UBN2: variants seen among roughly 807,000 people sequenced by gnomAD.
The protein encoded by UBN2 is ubinuclein 2.
Under a neutral mutation model 120.2 loss-of-function variants are expected in UBN2, and 35 were observed. The observed-to-expected ratio is 0.29, with a 90% CI of 0.22 to 0.39. The LOEUF (loss-of-function observed/expected upper bound fraction) is 0.39, where lower values mean the gene tolerates loss of function less well. Among genes scored for constraint, UBN2 ranks in the 10% least tolerant of loss-of-function variants. The pLI is 1.00. For synonymous variants in UBN2, 661 were observed against 648.7 expected (o/e 1.02, Z -0.29); for missense variants, 1,693 against 1,663.2 (o/e 1.02, Z -0.31).
intron 6 of UBN2, among the ~76,000 whole-genome samples, chr7:139,262,312 C>T (rs1156650989): frequency 6.6e-6 from 1 of 151,914 alleles, no homozygotes; most frequent in East Asian, 1.9e-4. Flanking sequence ...GTTGGCCAGG[C>T]TGGTCTTGAA....
At chr7:139,279,626 G>T (rs1339243795) in intron 13 of UBN2, among the ~76,000 whole-genome samples, 1 of 152,152 alleles carries the variant, frequency 6.6e-6, no homozygotes, top group African/African-American at 2.4e-5. Flanking sequence ...TTCTTTCATA[G>T]CATAGGTGAG....
intron 2 of UBN2, among the ~76,000 whole-genome samples, chr7:139,248,787 C>T (rs1796541092): frequency 6.6e-6 from 1 of 152,050 alleles, no homozygotes; most frequent in Non-Finnish European, 1.5e-5. Flanking sequence ...ATGTCCTTAA[C>T]TGCTTGTGTG....
chr7:139,291,680 C>G (rs1797962304), intron 15 of UBN2, among the ~76,000 whole-genome samples: 1 of 151,764 alleles, frequency 6.6e-6, no homozygotes, highest in African/African-American at 2.4e-5. Context: ...GACCCCATCT[C>G]TACAAAAACA....
Position 139,254,225 on chromosome 7 carries a change from G to A in UBN2, c.663+2168G>A, listed in dbSNP as rs192220881. 7.4e-3 allele frequency among the ~76,000 whole-genome samples: 1,120 copies of A among 152,116 alleles called. 17 individuals carry two copies. The highest frequency in any genetic ancestry group is 0.026 in the African/African-American group (1,074 of 41,498). ...GGAGAATGGCTTGAACCCGGGAGGC[G>A]GAGCTTGCAGTGAGCCGAGATCGCG... On this transcript the variant is annotated intron_variant, in intron 3 of 17. Transcript: ENST00000473989.
At chr7:139,240,454 A>ATATTTT (rs371717591) in intron 2 of UBN2, among the ~76,000 whole-genome samples, 10 of 123,106 alleles carry the variant, frequency 8.1e-5, no homozygotes, top group South Asian at 2.7e-4. Flanking sequence ...ATATATATAT[A>ATATTTT]TTTTTTTTTT....
At chr7:139,289,918 G>C (rs926931555) in intron 15 of UBN2, among the ~76,000 whole-genome samples, 31 of 151,280 alleles carry the variant, frequency 2.0e-4, no homozygotes, top group African/African-American at 7.3e-4. Flanking sequence ...TTCCGAGACA[G>C]AGTCTTGCTC....
Position 139,307,533 on chromosome 7 carries a change from A to G in UBN2, c.*9697A>G, listed in dbSNP as rs1798380093. ...AAAAGGGGGTGGTGATGACATGTGA[A>G]TGGGTGCGGGTATGTGTGCGTGTGT... On this transcript the variant is annotated 3_prime_UTR_variant, in exon 18 of 18. Coordinates refer to ENST00000473989, the MANE Select transcript of UBN2 (RefSeq NM_173569.4). 6.6e-6 allele frequency: 1 copy of G among 151,930 alleles called. No individual in the cohort carries two copies. The highest frequency in any genetic ancestry group is 1.9e-4 in the East Asian group (1 of 5,196). 9.4% of individuals were successfully genotyped at this position (151,930 alleles called of 1,614,324 possible).
the UBN2 span, among the ~76,000 whole-genome samples, chr7:139,324,350 A>ACT: frequency 6.8e-6 from 1 of 148,140 alleles, no homozygotes; most frequent in Non-Finnish European, 1.5e-5. Context: ...CGGGAGGATC[A>ACT]TGAGTTCAGG....
chr7:139,259,196 G>A, intron 4 of UBN2, 71 bp from the exon 5 acceptor site: 2 of 1,569,512 alleles, frequency 1.3e-6, no homozygotes, highest in Non-Finnish European at 1.7e-6. Flanking sequence ...CACTGCTGAT[G>A]CTGGATTGCT....
rs985406378 is a variant in UBN2, at chr7:139,269,431, C to T, written c.1504C>T (p.Arg502Cys). 9 of 1,613,970 alleles carry T rather than the reference C, an allele frequency of 5.6e-6. No individual in the cohort carries two copies. Among genetic ancestry groups the T allele is most frequent in the Middle Eastern group, 1.6e-4 (1 of 6,084 alleles). The change falls in exon 8 of 18, where the codon CGC (arginine) becomes TGC (cysteine). Residue 502 changes from arginine (R) to cysteine (C), a missense_variant. Coordinates refer to ENST00000473989, the MANE Select transcript of UBN2 (RefSeq NM_173569.4). ...LQLQELGPVI[R>C]SGVYSHLEAF... The stretch of plus-strand genomic sequence containing the variant: ...GCTACAAGAACTAGGCCCTGTCATT[C>T]GCAGTGGTGTCTACTCCCACCTTGA...
intron 1 of UBN2, among the ~76,000 whole-genome samples, chr7:139,234,587 A>G (rs1291152650): frequency 6.6e-6 from 1 of 152,210 alleles, no homozygotes; most frequent in African/African-American, 2.4e-5. Context: ...CATTGGAATC[A>G]TCTCTATCCT....
intron 8 of UBN2, among the ~76,000 whole-genome samples, 190 bp downstream of exon 8, chr7:139,269,713 G>C (rs1563215802): frequency 1.3e-5 from 2 of 152,164 alleles, no homozygotes; most frequent in Non-Finnish European, 2.9e-5. Flanking sequence ...GTTAAGTTTA[G>C]ATGAGAAATG....
intron 1 of UBN2, among the ~76,000 whole-genome samples, chr7:139,234,230 A>G (rs974605314): frequency 6.6e-6 from 1 of 152,172 alleles, no homozygotes; most frequent in African/African-American, 2.4e-5. Flanking sequence ...TTTTTGAAAT[A>G]GCCATCTATC....
intron 13 of UBN2, among the ~76,000 whole-genome samples, chr7:139,280,319 A>T (rs578016477): frequency 1.6e-4 from 25 of 152,346 alleles, no homozygotes; most frequent in African/African-American, 6.0e-4. Context: ...AATTTTTAAT[A>T]TTTAGAGAAA....
chr7:139,316,155 T>A, the UBN2 span, among the ~76,000 whole-genome samples: 1 of 151,610 alleles, frequency 6.6e-6, no homozygotes, highest in Non-Finnish European at 1.5e-5. Flanking sequence ...CATTTTTCAT[T>A]TTTTAAATTA....
intron 17 of UBN2, among the ~76,000 whole-genome samples, chr7:139,297,117 C>T (rs1798130496): frequency 6.6e-6 from 1 of 151,122 alleles, no homozygotes; most frequent in Admixed American, 6.6e-5. Context: ...TTGCTTGAAC[C>T]TGGGAGGCAG....
In UBN2 at chr7:139,231,317, A is replaced by G. The variant is rs1487714704; in HGVS notation, c.-168A>G. 6.6e-6 allele frequency among the ~76,000 whole-genome samples: 1 copy of G among 152,214 alleles called. No homozygotes were observed. The highest frequency in any genetic ancestry group is 1.9e-4 in the East Asian group (1 of 5,180). On this transcript the variant is annotated 5_prime_UTR_variant, in exon 1 of 18. Coordinates refer to ENST00000473989, the MANE Select transcript of UBN2 (RefSeq NM_173569.4). ...GCGGTGAAGCCCATCAGAACGTAGT[A>G]GCGGGGAAGGGGACACGGTCCGCAC...
intron 3 of UBN2, among the ~76,000 whole-genome samples, chr7:139,254,247 C>T (rs764342510): frequency 3.3e-5 from 5 of 152,104 alleles, no homozygotes; most frequent in South Asian, 2.1e-4. Context: ...GAGCCGAGAT[C>T]GCGCCACTGT....
intron 8 of UBN2, among the ~76,000 whole-genome samples, chr7:139,270,207 C>T (rs1797229038): frequency 6.6e-6 from 1 of 151,476 alleles, no homozygotes; most frequent in African/African-American, 2.4e-5. Context: ...CTTTCTTCTG[C>T]AGCTTGTAAT....
Sources: allele counts gnomAD v4.1 joint callset (sites outside exome capture counted in the v4.1 genomes callset), GRCh38; gene constraint gnomAD v4.1.1; transcripts MANE v1.5; gene names NCBI Gene and HGNC (gene_info 2026-07-23, HGNC 2026-07-21).